Variants in ATP8A2 observed in about 807,000 individuals in gnomAD.
The protein encoded by ATP8A2 is phospholipid-transporting ATPase IB.
A neutral mutation model predicts 165.6 loss-of-function variants in ATP8A2; 100 were observed. The observed-to-expected ratio is 0.60, with a 90% CI of 0.51 to 0.71. The LOEUF is 0.71. Ranked by LOEUF, ATP8A2 falls within the 30% of genes least tolerant of loss-of-function variation. The pLI is 0.00. For synonymous variants in ATP8A2, 543 were observed against 548.8 expected, an observed-to-expected ratio of 0.99 and a Z score of 0.15; for missense variants, 1,227 against 1,479.5, an observed-to-expected ratio of 0.83 and a Z score of 2.80.
At chr13:25,478,607 A>G (rs1041317996) in intron 2 of ATP8A2, among the ~76,000 whole-genome samples, 3 of 152,052 alleles carry the variant, frequency 2.0e-5, no homozygotes, top group African/African-American at 2.4e-5. Context: ...AGCCTTTACT[A>G]TTTTATATTA....
intron 1 of ATP8A2, among the ~76,000 whole-genome samples, chr13:25,455,953 G>A (rs1364855121): frequency 3.3e-5 from 5 of 152,058 alleles, no homozygotes; most frequent in Non-Finnish European, 7.4e-5. Context: ...GAGAAGTGTC[G>A]TGCAGGGAAG....
chr13:25,684,472 A>G (rs1443158269), intron 24 of ATP8A2, among the ~76,000 whole-genome samples: 1 of 152,190 alleles, frequency 6.6e-6, no homozygotes, highest in East Asian at 1.9e-4. Flanking sequence ...CTCGGCCTCC[A>G]TGGAAAGACC....
intron 24 of ATP8A2, among the ~76,000 whole-genome samples, chr13:25,629,912 A>G (rs1188513614): frequency 6.6e-6 from 1 of 152,070 alleles, no homozygotes; most frequent in East Asian, 1.9e-4. Flanking sequence ...TGCAGTTCAT[A>G]TGGCAGCCAC....
intron 33 of ATP8A2, among the ~76,000 whole-genome samples, chr13:25,905,634 G>C (rs1953915359): frequency 6.6e-6 from 1 of 152,140 alleles, no homozygotes; most frequent in Non-Finnish European, 1.5e-5. Flanking sequence ...CTGCCATCTG[G>C]GTTTCTCTGG....
In ATP8A2 at chr13:25,971,797, A is replaced by G. The variant is rs181509343; in HGVS notation, c.3377+3118A>G. Among the ~76,000 whole-genome samples, 92 of 152,168 alleles carry G rather than the reference A, an allele frequency of 6.0e-4. No homozygotes were observed. The East Asian group carries it at 6.6e-3, about 11-fold the overall frequency. ...AGCTAACATAGACTCACACATGGAG[A>G]GGCATCTGTGATGTAAGATTAGCAA... On this transcript the variant is annotated intron_variant, in intron 35 of 36. Transcript: ENST00000381655.
intron 2 of ATP8A2, among the ~76,000 whole-genome samples, chr13:25,490,750 TTTG>T (rs2036504802): frequency 6.7e-6 from 1 of 150,340 alleles, no homozygotes; most frequent in Non-Finnish European, 1.5e-5. Flanking sequence ...TGTTTGTTTG[TTTG>T]TTTTTTGTTT....
chr13:25,534,881 G>A (rs1050530772), intron 6 of ATP8A2, among the ~76,000 whole-genome samples: 1 of 152,216 alleles, frequency 6.6e-6, no homozygotes, highest in African/African-American at 2.4e-5. Flanking sequence ...TGGGTCTCAG[G>A]TGGGGCCCTA....
chr13:25,722,139 A>C (rs1478571749), intron 25 of ATP8A2, among the ~76,000 whole-genome samples: 1 of 152,192 alleles, frequency 6.6e-6, no homozygotes, highest in African/African-American at 2.4e-5. Context: ...ATGTGATGTC[A>C]TGTGACTTCT....
At chr13:25,903,225 T>C (rs1223820330) in intron 33 of ATP8A2, among the ~76,000 whole-genome samples, 1 of 152,136 alleles carries the variant, frequency 6.6e-6, no homozygotes, top group Non-Finnish European at 1.5e-5. Flanking sequence ...TATTCTTGAC[T>C]TTTCTCTCTC....
At chr13:25,549,344 C>T (rs998715698) in intron 10 of ATP8A2, among the ~76,000 whole-genome samples, 11 of 151,634 alleles carry the variant, frequency 7.3e-5, no homozygotes, top group African/African-American at 2.7e-4. Flanking sequence ...CTTGTAATCC[C>T]AGCTACTTGG....
intron 27 of ATP8A2, among the ~76,000 whole-genome samples, chr13:25,823,291 A>T (rs1056933042): frequency 6.6e-6 from 1 of 151,774 alleles, no homozygotes; most frequent in East Asian, 1.9e-4. Flanking sequence ...CTTTTATTGT[A>T]TGTTGGGCTT....
chr13:25,469,206 G>T, intron 2 of ATP8A2, 85 bp downstream of exon 2: 2 of 1,497,300 alleles, frequency 1.3e-6, no homozygotes, highest in South Asian at 2.5e-5. Context: ...GCTTGGCCGC[G>T]CACCTGGCCG....
At chr13:25,660,769 G>A (rs942017577) in intron 24 of ATP8A2, among the ~76,000 whole-genome samples, 3 of 152,136 alleles carry the variant, frequency 2.0e-5, no homozygotes, top group African/African-American at 7.2e-5. Flanking sequence ...CAACAACTTG[G>A]TAATATTCCA....
At chr13:25,955,005 G>A (rs1035413984) in intron 33 of ATP8A2, among the ~76,000 whole-genome samples, 7 of 152,150 alleles carry the variant, frequency 4.6e-5, no homozygotes, top group African/African-American at 1.2e-4. Context: ...TGAGTTTGAC[G>A]AATGGACAGA....
chr13:25,829,418 G>A (rs963868938), intron 28 of ATP8A2, among the ~76,000 whole-genome samples: 1 of 151,898 alleles, frequency 6.6e-6, no homozygotes, highest in East Asian at 1.9e-4. Flanking sequence ...GGGCTCCAGG[G>A]CCTCCCCTTT....
chr13:25,906,424 A>G (rs1280999930), intron 33 of ATP8A2, among the ~76,000 whole-genome samples: 1 of 152,072 alleles, frequency 6.6e-6, no homozygotes, highest in Non-Finnish European at 1.5e-5. Context: ...AGGATTAGGT[A>G]ACTCTACCCA....
At chr13:25,512,814 C>T (rs1457073631) in intron 2 of ATP8A2, among the ~76,000 whole-genome samples, 12 of 133,812 alleles carry the variant, frequency 9.0e-5, no homozygotes, top group Non-Finnish European at 1.3e-4. Context: ...CCGTACGGGG[C>T]GGCTGGCCGG....
At chr13:25,812,235 C>T (rs150955391) in intron 27 of ATP8A2, among the ~76,000 whole-genome samples, 3 of 151,480 alleles carry the variant, frequency 2.0e-5, no homozygotes, top group African/African-American at 7.3e-5. Context: ...TTAATACTCT[C>T]AAGATGTACC....
At chr13:25,952,852 G>T (rs1955407332) in intron 33 of ATP8A2, among the ~76,000 whole-genome samples, 1 of 152,166 alleles carries the variant, frequency 6.6e-6, no homozygotes, top group African/African-American at 2.4e-5. Context: ...AATAGGTTTG[G>T]AATGTACATT....
Sources: allele counts gnomAD v4.1 joint callset (sites outside exome capture counted in the v4.1 genomes callset), GRCh38; gene constraint gnomAD v4.1.1; transcripts MANE v1.5; gene names NCBI Gene and HGNC (gene_info 2026-07-23, HGNC 2026-07-21).